The following FGD4 variants were observed in gnomAD, a reference collection of about 807,000 sequenced individuals.
FGD4 encodes the protein FYVE, RhoGEF and PH domain containing 4.
FGD4 carries 42 observed loss-of-function variants against 102.0 expected under a neutral mutation model. That is an observed-to-expected ratio of 0.41 (90% confidence interval 0.32 to 0.53). The LOEUF is 0.53. Ranked by LOEUF, FGD4 falls within the 20% of genes least tolerant of loss-of-function variation. The probability of loss-of-function intolerance (pLI) is 0.21; values close to 1 mark genes in which losing one functional copy is unlikely to be tolerated. For missense variants in FGD4, 902 were observed against 1,078.2 expected, an observed-to-expected ratio of 0.84 and a Z score of 2.29; for synonymous variants, 380 against 375.7, an observed-to-expected ratio of 1.01 and a Z score of -0.13.
In FGD4 at chr12:32,540,177, A is replaced by G. The variant is rs1487081675; in HGVS notation, c.167-23960A>G. On this transcript the variant is annotated intron_variant, in intron 1 of 16. Coordinates refer to ENST00000534526, the MANE Select transcript of FGD4 (RefSeq NM_001370298.3). ...CTATACTCAATCCTAAAAATTGTGT[A>G]ATACCTCTATGTTCAAGGAGGTTTA... Among the ~76,000 whole-genome samples, 5 of 152,332 alleles carry G rather than the reference A, an allele frequency of 3.3e-5. No individual in the cohort carries two copies. The East Asian group carries it at 9.6e-4, about 29-fold the overall frequency.
Position 32,643,055 on chromosome 12 carries a change from C to G in FGD4, c.*2522C>G, listed in dbSNP as rs1951240218. 1 of 152,520 alleles carries G rather than the reference C, an allele frequency of 6.6e-6. No individual in the cohort carries two copies. Among genetic ancestry groups the G allele is most frequent in the Non-Finnish European group, 1.5e-5 (1 of 67,944 alleles). 9.4% of individuals were successfully genotyped at this position (152,520 alleles called of 1,614,324 possible). Reference sequence around the variant, plus strand: ...ACTCATTTGGTGCTTTCCAAGTCATCTTTTCTTTAAAGTGCCCTTCCTCCA... The same window carrying G: ...ACTCATTTGGTGCTTTCCAAGTCATGTTTTCTTTAAAGTGCCCTTCCTCCA... On this transcript the variant is annotated 3_prime_UTR_variant, in exon 17 of 17. Coordinates refer to ENST00000534526, the MANE Select transcript of FGD4 (RefSeq NM_001370298.3).
rs886597620 is a variant in FGD4, at chr12:32,473,382, C to T, written c.166+73423C>T. Among the ~76,000 whole-genome samples the T allele has an allele frequency of 2.6e-5, 4 of 152,080 alleles. No individual in the cohort carries two copies. In the East Asian group the frequency reaches 5.8e-4, roughly 22 times the overall value. Reference sequence around the variant, plus strand: ...ACCGCGAAGATCTGCAGCTTCACTCCTGAGTCCAGCGAGCCCAGGAGCCCA... The same window carrying T: ...ACCGCGAAGATCTGCAGCTTCACTCTTGAGTCCAGCGAGCCCAGGAGCCCA... On this transcript the variant is annotated intron_variant, in intron 1 of 16. Coordinates refer to ENST00000534526, the MANE Select transcript of FGD4 (RefSeq NM_001370298.3).
chr12:32,415,648 C>T (rs1212389632), intron 1 of FGD4, among the ~76,000 whole-genome samples: 1 of 152,116 alleles, frequency 6.6e-6, no homozygotes, highest in African/African-American at 2.4e-5. Context: ...GTCTTGATCT[C>T]CTGACCTCGT....
At chr12:32,539,803 A>G (rs1463928686) in intron 1 of FGD4, among the ~76,000 whole-genome samples, 1 of 152,208 alleles carries the variant, frequency 6.6e-6, no homozygotes, top group African/African-American at 2.4e-5. Flanking sequence ...TAGTAATTAT[A>G]CATTATTAGA....
intron 1 of FGD4, among the ~76,000 whole-genome samples, chr12:32,546,749 G>A (rs1308848628): frequency 6.6e-6 from 1 of 152,192 alleles, no homozygotes; most frequent in Non-Finnish European, 1.5e-5. Context: ...CAATGGTGAG[G>A]CCTCATCAGC....
intron 2 of FGD4, 120 bp from the exon 3 acceptor site, chr12:32,576,146 C>A: frequency 3.0e-6 from 3 of 1,002,640 alleles, no homozygotes; most frequent in African/African-American, 1.6e-5. Flanking sequence ...CAAAATTTGA[C>A]ACCTGCCCCC....
chr12:32,500,122 A>G (rs1356177668), intron 1 of FGD4, among the ~76,000 whole-genome samples: 4 of 152,214 alleles, frequency 2.6e-5, no homozygotes, highest in Non-Finnish European at 4.4e-5. Context: ...GTGTAGCGCA[A>G]TGACTTAGAT....
At chr12:32,555,935 C>CA in intron 1 of FGD4, among the ~76,000 whole-genome samples, 1 of 152,034 alleles carries the variant, frequency 6.6e-6, no homozygotes, top group East Asian at 1.9e-4. Context: ...ACTGCAATCT[C>CA]AAACTCCTGG....
intron 3 of FGD4, among the ~76,000 whole-genome samples, chr12:32,579,903 A>C (rs1450244217): frequency 6.7e-6 from 1 of 150,250 alleles, no homozygotes; most frequent in Non-Finnish European, 1.5e-5. Context: ...TCCCTGTTTC[A>C]TTCTCCAGTC....
intron 1 of FGD4, among the ~76,000 whole-genome samples, chr12:32,443,993 T>C (rs947608320): frequency 6.6e-6 from 1 of 151,526 alleles, no homozygotes; most frequent in East Asian, 1.9e-4. Context: ...AATTCACCCA[T>C]GTAAAGTGGA....
In FGD4 at chr12:32,579,919, C is replaced by T. The variant is rs996816785; in HGVS notation, c.504-2041C>T. ...CCCTGTTTCATTCTCCAGTCCAGAT[C>T]AGCAGTGATTGGGAAGGGTGGGTTG... On this transcript the variant is annotated intron_variant, in intron 3 of 16. Coordinates refer to ENST00000534526, the MANE Select transcript of FGD4 (RefSeq NM_001370298.3). 3.3e-5 allele frequency among the ~76,000 whole-genome samples: 5 copies of T among 152,132 alleles called. No homozygotes were observed. In the East Asian group the frequency reaches 7.7e-4, roughly 24 times the overall value.
In FGD4 at chr12:32,556,057, G is replaced by GTC. The variant is rs571994135; in HGVS notation, c.167-8077_167-8076dup. ...GTGTCTTGCTGTGTTGCCGAAGCTA[G>GTC]TCTCAAACTCTTATCTTAAGCAGTC... On this transcript the variant is annotated intron_variant, in intron 1 of 16. Coordinates refer to ENST00000534526, the MANE Select transcript of FGD4 (RefSeq NM_001370298.3). 1.4e-3 allele frequency among the ~76,000 whole-genome samples: 215 copies of GTC among 152,102 alleles called. 2 individuals are homozygous for GTC. The South Asian group carries it at 0.023, about 17-fold the overall frequency.
At chr12:32,463,527 A>G (rs1416934950) in intron 1 of FGD4, among the ~76,000 whole-genome samples, 1 of 152,366 alleles carries the variant, frequency 6.6e-6, no homozygotes, top group Non-Finnish European at 1.5e-5. Context: ...AAATGCCTTC[A>G]TTTGGAGAAA....
chr12:32,431,313 T>C (rs542805640), intron 1 of FGD4, among the ~76,000 whole-genome samples: 1 of 152,198 alleles, frequency 6.6e-6, no homozygotes, highest in Non-Finnish European at 1.5e-5. Flanking sequence ...CACTGATACA[T>C]GCAAAAGCCC....
rs116260656 is a variant in FGD4, at chr12:32,598,682, G to A, written c.1101+96G>A. ...ATTTTAGAAACTGCATGAAGGAAGG[G>A]CCTGTTTTTGGCTAGTGAAAGGTAC... On this transcript the variant is annotated intron_variant, in intron 5 of 16. Transcript: ENST00000534526. The A allele has an allele frequency of 3.4e-4, 353 of 1,040,882 alleles. No individual in the cohort carries two copies. The African/African-American group carries it at 5.2e-3, about 15-fold the overall frequency. The allele number at this position is 1,040,882 out of a possible 1,614,324, so 64.5% of individuals were successfully genotyped here.
Position 32,520,425 on chromosome 12 carries a change from GTT to G in FGD4, c.167-43706_167-43705del, listed in dbSNP as rs572548423. The stretch of plus-strand genomic sequence containing the variant: ...TGCCCTATTTTAAGTTCTATTGTGG[GTT>G]TTTTTGTTTTTTGTTTTTTTTTTTT... On this transcript the variant is annotated intron_variant, in intron 1 of 16. Transcript: ENST00000534526. Among the ~76,000 whole-genome samples, 110 of 111,412 alleles carry G rather than the reference GTT, an allele frequency of 9.9e-4. 3 individuals carry two copies. The South Asian group carries it at 0.021, about 22-fold the overall frequency. The allele number at this position is 111,412 out of a possible 152,430, so 73.1% of individuals were successfully genotyped here.
chr12:32,615,610 T>G (rs1335371072), intron 10 of FGD4, among the ~76,000 whole-genome samples: 1 of 151,888 alleles, frequency 6.6e-6, no homozygotes, highest in East Asian at 1.9e-4. Flanking sequence ...AGGTCTATTA[T>G]AAAAGATCAC....
At chr12:32,485,429 A>T (rs1234486717) in intron 1 of FGD4, among the ~76,000 whole-genome samples, 2 of 145,138 alleles carry the variant, frequency 1.4e-5, no homozygotes, top group Admixed American at 7.6e-5. Context: ...CAGATCTTTT[A>T]AGACCAATTT....
Position 32,642,999 on chromosome 12 carries a change from C to T in FGD4, c.*2466C>T, listed in dbSNP as rs1030245577. 1.2e-4 allele frequency: 19 copies of T among 152,658 alleles called. No individual in the cohort carries two copies. Among genetic ancestry groups the T allele is most frequent in the African/African-American group, 4.6e-4 (19 of 41,578 alleles). 9.5% of individuals were successfully genotyped at this position (152,658 alleles called of 1,614,324 possible). ...TTGGTTGCTTTCCCATTAAAACCAA[C>T]GTTCCCTGTGGGTCTTAATTCTTTA... On this transcript the variant is annotated 3_prime_UTR_variant, in exon 17 of 17. Transcript: ENST00000534526.
Sources: gnomAD v4.1 joint callset for allele counts (sites outside exome capture counted in the v4.1 genomes callset) on GRCh38, gnomAD v4.1.1 for gene constraint, MANE v1.5 for transcripts, NCBI Gene and HGNC (gene_info 2026-07-23, HGNC 2026-07-21) for gene names.